CD99: variants seen among roughly 807,000 people sequenced by gnomAD.
CD99 encodes the protein CD99 antigen.
Under a neutral mutation model 28.4 loss-of-function variants are expected in CD99, and 19 were observed. That is an observed-to-expected ratio of 0.67 (90% CI 0.47 to 0.98). The LOEUF (loss-of-function observed/expected upper bound fraction) is 0.98. CD99 is among the 50% of genes least tolerant of loss of function. CD99 has a pLI of 0.00. For synonymous variants in CD99, 103 were observed against 92.1 expected (o/e 1.12, Z -0.67); for missense variants, 283 against 248.8 (o/e 1.14, Z -0.92).
intron 8 of CD99, among the ~76,000 whole-genome samples, chrX:2,728,352 C>A (rs780877836): frequency 6.6e-6 from 1 of 151,942 alleles, no homozygotes; most frequent in South Asian, 2.1e-4. Flanking sequence ...TGCACCACCA[C>A]GCACAGCTAA....
intron 1 of CD99, among the ~76,000 whole-genome samples, chrX:2,707,843 G>A (rs2048196744): frequency 6.6e-6 from 1 of 152,166 alleles, no homozygotes; most frequent in Non-Finnish European, 1.5e-5. Context: ...CACATTTGTA[G>A]CCCCGGAGGT....
chrX:2,740,570 G>A (rs1277649164), intron 9 of CD99, among the ~76,000 whole-genome samples: 1 of 149,584 alleles, frequency 6.7e-6, no homozygotes, highest in Non-Finnish European at 1.5e-5. Context: ...TGCTTTTTCT[G>A]CAGCATCCAT....
At chrX:2,717,498 C>T (rs142808603) in intron 2 of CD99, 107 bp from the exon 3 acceptor site, 25 of 916,158 alleles carry the variant, frequency 2.7e-5, no homozygotes, top group African/African-American at 2.3e-4. Context: ...ATGCTAAAAA[C>T]ATTCTCCGAC....
intron 1 of CD99, among the ~76,000 whole-genome samples, chrX:2,708,840 A>C (rs1196190187): frequency 6.6e-6 from 1 of 151,812 alleles, no homozygotes; most frequent in African/African-American, 2.4e-5. Flanking sequence ...AGCAGAGGGG[A>C]AGTTGGCAAT....
chrX:2,692,014 G>C, intron 1 of CD99: 2 of 702,220 alleles, frequency 2.8e-6, no homozygotes, highest in South Asian at 3.1e-5. Flanking sequence ...TGTGCGCCAA[G>C]CAACACGGGG....
At chrX:2,729,732 GC>G in intron 8 of CD99, among the ~76,000 whole-genome samples, 1 of 152,174 alleles carries the variant, frequency 6.6e-6, no homozygotes, top group South Asian at 2.1e-4. Flanking sequence ...TACCTTATCC[GC>G]CCCGCCACCC....
At chrX:2,721,746 C>T (rs762753606) in intron 5 of CD99, among the ~76,000 whole-genome samples, 18 of 152,194 alleles carry the variant, frequency 1.2e-4, no homozygotes, top group African/African-American at 3.4e-4. Context: ...TACTGATAAT[C>T]ATGTACTATT....
chrX:2,702,083 G>A (rs1400828351), intron 1 of CD99, among the ~76,000 whole-genome samples: 2 of 152,186 alleles, frequency 1.3e-5, no homozygotes, highest in Admixed American at 6.5e-5. Flanking sequence ...ACTGGGGTGC[G>A]GAGCTGTGCT....
At chrX:2,731,592 A>AT (rs1301905186) in intron 8 of CD99, among the ~76,000 whole-genome samples, 1 of 152,198 alleles carries the variant, frequency 6.6e-6, no homozygotes, top group Non-Finnish European at 1.5e-5. Flanking sequence ...TTGTCTCAAA[A>AT]AAGAAAAAAG....
intron 1 of CD99, among the ~76,000 whole-genome samples, chrX:2,693,640 A>T (rs2047436824): frequency 6.6e-6 from 1 of 152,096 alleles, no homozygotes; most frequent in Admixed American, 6.6e-5. Context: ...AGGTTCTCAG[A>T]CTGGTGCTGA....
At chrX:2,709,409 AAC>A (rs1433853722) in intron 1 of CD99, among the ~76,000 whole-genome samples, 1 of 152,234 alleles carries the variant, frequency 6.6e-6, no homozygotes, top group Non-Finnish European at 1.5e-5. Context: ...CACACAGGCA[AAC>A]ACGCAGACAC....
chrX:2,736,323 AG>A (rs1282079318), intron 8 of CD99, among the ~76,000 whole-genome samples: 4 of 151,990 alleles, frequency 2.6e-5, no homozygotes, highest in Non-Finnish European at 4.4e-5. Context: ...GGTCTTTGTG[AG>A]GGGGAAACGC....
At chrX:2,733,313 T>C in intron 8 of CD99, 1 of 1,553,344 alleles carries the variant, frequency 6.4e-7, no homozygotes, top group Non-Finnish European at 8.7e-7. Context: ...ACCAGTTTAC[T>C]TTTTGTATTA....
chrX:2,702,932 A>G (rs1386443065), intron 1 of CD99, among the ~76,000 whole-genome samples: 2 of 151,904 alleles, frequency 1.3e-5, no homozygotes, highest in African/African-American at 4.8e-5. Context: ...CAGGCATGGG[A>G]TTACAGCCAC....
intron 1 of CD99, among the ~76,000 whole-genome samples, chrX:2,698,727 G>C (rs1202539813): frequency 2.6e-5 from 4 of 152,146 alleles, no homozygotes; most frequent in Admixed American, 6.5e-5. Context: ...AAACACACCA[G>C]TAACTGTGAT....
At chrX:2,719,628 A>AT in intron 3 of CD99, 33 bp from the exon 4 acceptor site, 1 of 1,600,408 alleles carries the variant, frequency 6.2e-7, no homozygotes, top group Non-Finnish European at 8.6e-7. Context: ...TCTCTCTGGA[A>AT]TTTGGTATTA....
chrX:2,715,128 C>T (rs766420198), intron 2 of CD99: 1 of 152,448 alleles, frequency 6.6e-6, no homozygotes, highest in Admixed American at 6.5e-5. Flanking sequence ...TCTTCTGCAG[C>T]TCTTCCTGTC....
intron 5 of CD99, among the ~76,000 whole-genome samples, chrX:2,721,342 G>C (rs1378823448): frequency 4.0e-5 from 6 of 151,434 alleles, no homozygotes; most frequent in Non-Finnish European, 8.8e-5. Flanking sequence ...AGAGTACAGT[G>C]CTGTGATCAT....
intron 1 of CD99, among the ~76,000 whole-genome samples, chrX:2,694,851 A>G (rs2047498894): frequency 6.6e-6 from 1 of 152,034 alleles, no homozygotes; most frequent in African/African-American, 2.4e-5. Flanking sequence ...TACACTTTGG[A>G]GATACTCAAG....
Sources: allele counts gnomAD v4.1 joint callset (sites outside exome capture counted in the v4.1 genomes callset), GRCh38; gene constraint gnomAD v4.1.1; transcripts MANE v1.5; gene names NCBI Gene and HGNC (gene_info 2026-07-23, HGNC 2026-07-21).